SKA3: variants seen among roughly 807,000 people sequenced by gnomAD.
The protein encoded by SKA3 is spindle and kinetochore associated complex subunit 3.
Under a neutral mutation model 44.2 loss-of-function variants are expected in SKA3, and 39 were observed. That is an observed-to-expected ratio of 0.88 (90% CI 0.68 to 1.15). The LOEUF (loss-of-function observed/expected upper bound fraction) is 1.15. Ranked by LOEUF, SKA3 falls within the 50% of genes most tolerant of loss-of-function variation. The probability of loss-of-function intolerance (pLI) is 0.00; values close to 1 mark genes in which losing one functional copy is unlikely to be tolerated. For missense variants in SKA3, 511 were observed against 485.8 expected (o/e 1.05, Z -0.49); for synonymous variants, 192 against 172.0 (o/e 1.12, Z -0.91).
intron 4 of SKA3, among the ~76,000 whole-genome samples, chr13:21,165,624 C>T (rs1199034305): frequency 1.3e-5 from 2 of 152,048 alleles, no homozygotes; most frequent in Non-Finnish European, 2.9e-5. Context: ...TATCTCATTA[C>T]ACTGGCCAGA....
chr13:21,165,826 T>C (rs1009241683), intron 4 of SKA3, among the ~76,000 whole-genome samples: 1 of 151,956 alleles, frequency 6.6e-6, no homozygotes, highest in Non-Finnish European at 1.5e-5. Flanking sequence ...TCCCAGCTAC[T>C]CAGGTGGCTG....
At position 21,168,319 on chromosome 13, in the gene SKA3, G is replaced by A; in HGVS notation, c.412C>T (p.Leu138=). 1 of 1,614,132 alleles carries A rather than the reference G, an allele frequency of 6.2e-7. No homozygotes were observed. Among genetic ancestry groups the A allele is most frequent in the Non-Finnish European group, 8.5e-7 (1 of 1,180,008 alleles). The change falls in exon 4 of 9, where the codon CTG becomes TTG. Residue 138 remains leucine (L), a synonymous_variant. Transcript: ENST00000314759. ...CTGCTTGCAACAGGAGGATCAGACA[G>A]ATCATCTTTCACATCAGTCTTCTGA... ...NFQKTDVKDD[L]SDPPVASSCI...
Position 21,154,755 on chromosome 13 carries a change from G to T in SKA3, c.*395C>A. 1 of 303,402 alleles carries T rather than the reference G, an allele frequency of 3.3e-6. No individual in the cohort carries two copies. Among genetic ancestry groups the T allele is most frequent in the Non-Finnish European group, 6.4e-6 (1 of 157,252 alleles). The allele number at this position is 303,402 out of a possible 1,614,324, so 18.8% of individuals were successfully genotyped here. On this transcript the variant is annotated 3_prime_UTR_variant, in exon 9 of 9. Coordinates refer to ENST00000314759, the MANE Select transcript of SKA3 (RefSeq NM_145061.6). ...GGACGGTCCTGAAAGGAGATGATGG[G>T]AAGGCAGAGCTGGCTGGCAGCAATG...
Position 21,155,052 on chromosome 13 carries a change from G to A in SKA3, c.*98C>T. The A allele has an allele frequency of 1.3e-6, 2 of 1,580,124 alleles. No individual in the cohort carries two copies. The highest frequency in any genetic ancestry group is 1.1e-5 in the South Asian group (1 of 87,668). ...TCTTTAAAATGGGTCAACGTTTAAA[G>A]GGGGACAGAGGCAGGGCAATGTGAA... On this transcript the variant is annotated 3_prime_UTR_variant, in exon 9 of 9. Transcript: ENST00000314759.
intron 4 of SKA3, among the ~76,000 whole-genome samples, chr13:21,166,889 T>C (rs1427687807): frequency 6.6e-6 from 1 of 152,222 alleles, no homozygotes; most frequent in Non-Finnish European, 1.5e-5. Flanking sequence ...AGTGTTTTTT[T>C]CCCCAGAGTT....
chr13:21,172,065 T>C (rs1871084325), intron 3 of SKA3, among the ~76,000 whole-genome samples: 1 of 152,252 alleles, frequency 6.6e-6, no homozygotes, highest in African/African-American at 2.4e-5. Flanking sequence ...TTCATTTAAA[T>C]AGGCCATCTA....
At position 21,155,715 on chromosome 13, in the gene SKA3, C is replaced by T. The variant is rs1284176200; in HGVS notation, c.1216G>A (p.Asp406Asn). Residue 406 changes from aspartate (D) to asparagine (N), a missense_variant, in exon 8 of 9, where the codon GAT becomes AAT. Asp to Asn is a conservative substitution (Grantham distance 23, BLOSUM62 1). Transcript: ENST00000314759. ...CACCAGTTTTCTTTGTTGCTGACATCTCGGATGTTCTGTCCATGTTTAAGG... is the reference window on the plus strand; with the variant it reads ...CACCAGTTTTCTTTGTTGCTGACATTTCGGATGTTCTGTCCATGTTTAAGG... The part of the protein sequence containing the change: ...RFLKHGQNIR[D>N]VSNKEN 1.4e-5 allele frequency: 23 copies of T among 1,604,144 alleles called. No individual in the cohort carries two copies. Among genetic ancestry groups the T allele is most frequent in the Non-Finnish European group, 1.8e-5 (21 of 1,171,766 alleles).
intron 4 of SKA3, among the ~76,000 whole-genome samples, chr13:21,162,951 G>A (rs953596248): frequency 1.3e-5 from 2 of 152,154 alleles, no homozygotes; most frequent in African/African-American, 4.8e-5. Context: ...AGCAGGCTGA[G>A]GTGGAAGAAC....
chr13:21,165,254 T>TA (rs769423327), intron 4 of SKA3, among the ~76,000 whole-genome samples: 1,802 of 138,986 alleles, frequency 0.013, 28 homozygotes, highest in African/African-American at 0.043. Context: ...TACAGAAAGT[T>TA]AAAAAAAAAA....
intron 3 of SKA3, among the ~76,000 whole-genome samples, chr13:21,170,845 T>A (rs549392521): frequency 6.6e-6 from 1 of 152,352 alleles, no homozygotes; most frequent in South Asian, 2.1e-4. Context: ...TGTGGCTCTT[T>A]CACACCAAAG....
intron 1 of SKA3, 178 bp from the exon 2 acceptor site, chr13:21,172,859 C>T: frequency 1.9e-6 from 1 of 513,584 alleles, no homozygotes; most frequent in African/African-American, 1.9e-5. Flanking sequence ...TGTTTAGATA[C>T]ACAAATACTT....
chr13:21,175,377 C>A (rs1281402892), intron 1 of SKA3, among the ~76,000 whole-genome samples: 1 of 150,326 alleles, frequency 6.7e-6, no homozygotes, highest in Non-Finnish European at 1.5e-5. Flanking sequence ...CCCGGGTTCA[C>A]GCCATTCTCC....
chr13:21,155,651 CAAAT>C (rs1870071023), intron 8 of SKA3, 38 bp downstream of exon 8: 1 of 1,200,534 alleles, frequency 8.3e-7, no homozygotes, highest in African/African-American at 1.5e-5. Flanking sequence ...ATGTCCTCCT[CAAAT>C]AACACATGAA....
At chr13:21,163,920 C>T (rs566655122) in intron 4 of SKA3, among the ~76,000 whole-genome samples, 31 of 152,034 alleles carry the variant, frequency 2.0e-4, no homozygotes, top group East Asian at 1.7e-3. Flanking sequence ...CCCGTCACCA[C>T]GCCCGGCTAA....
Position 21,168,065 on chromosome 13 carries a change from G to A in SKA3, c.666C>T (p.His222=). Residue 222 remains histidine, a synonymous_variant, in exon 4 of 9, where the codon CAC becomes CAT. Coordinates refer to ENST00000314759, the MANE Select transcript of SKA3 (RefSeq NM_145061.6). ...DFECVTPKLE[H]FGISEYTMCL... is the part of the protein sequence containing the mutation. Reference sequence around the variant, plus strand: ...ACATAGTATATTCAGAGATACCAAAGTGTTCTAATTTAGGAGTTACACACT... The same window carrying A: ...ACATAGTATATTCAGAGATACCAAAATGTTCTAATTTAGGAGTTACACACT... 1 of 1,613,852 alleles carries A rather than the reference G, an allele frequency of 6.2e-7. No homozygotes were observed. Among genetic ancestry groups the A allele is most frequent in the Non-Finnish European group, 8.5e-7 (1 of 1,179,896 alleles).
At chr13:21,160,414 A>AACAAGAGAGACCCATGCATATATAG (rs376326438) in intron 5 of SKA3, among the ~76,000 whole-genome samples, 2,224 of 151,612 alleles carry the variant, frequency 0.015, 61 homozygotes, top group African/African-American at 0.045. Flanking sequence ...TAAAGATAAG[A>AACAAGAGAGACCCATGCATATATAG]ACAAGAGAGA....
At chr13:21,158,719 G>T (rs1488064337) in intron 6 of SKA3, among the ~76,000 whole-genome samples, 2 of 152,140 alleles carry the variant, frequency 1.3e-5, no homozygotes, top group African/African-American at 4.8e-5. Flanking sequence ...CCCATCTCAG[G>T]CAACAGTGAG....
chr13:21,175,268 G>A (rs562732795), intron 1 of SKA3, among the ~76,000 whole-genome samples: 4 of 151,098 alleles, frequency 2.6e-5, no homozygotes, highest in Non-Finnish European at 5.9e-5. Context: ...GTGTGCCACC[G>A]TGCACGGCCA....
chr13:21,156,732 A>G (rs1870139263), intron 7 of SKA3, among the ~76,000 whole-genome samples: 3 of 152,252 alleles, frequency 2.0e-5, no homozygotes, highest in South Asian at 2.1e-4. Flanking sequence ...ATGGGTCTCC[A>G]TAAGTCAGGA....
Sources: allele counts gnomAD v4.1 joint callset (sites outside exome capture counted in the v4.1 genomes callset), GRCh38; gene constraint gnomAD v4.1.1; transcripts MANE v1.5; gene names NCBI Gene and HGNC (gene_info 2026-07-23, HGNC 2026-07-21).